CCDC171: variants seen among roughly 807,000 people sequenced by gnomAD.
CCDC171 encodes coiled-coil domain-containing protein 171.
Under a neutral mutation model 168.2 loss-of-function variants are expected in CCDC171, and 177 were observed. That is an observed-to-expected ratio of 1.05 (90% CI 0.93 to 1.19). The LOEUF (loss-of-function observed/expected upper bound fraction) is 1.19, where lower values mean the gene tolerates loss of function less well. Ranked by LOEUF, CCDC171 falls within the 50% of genes most tolerant of loss-of-function variation. CCDC171 has a pLI of 0.00. For missense variants in CCDC171, 1,991 were observed against 1,539.0 expected, an observed-to-expected ratio of 1.29 and a Z score of -4.91; for synonymous variants, 687 against 540.8, an observed-to-expected ratio of 1.27 and a Z score of -3.75.
chr9:15,699,315 G>A (rs998926363), intron 11 of CCDC171, among the ~76,000 whole-genome samples: 1 of 152,064 alleles, frequency 6.6e-6, no homozygotes, highest in Non-Finnish European at 1.5e-5. Context: ...AGACCTTCGC[G>A]GTGAGTGTTA....
rs923686799 is a variant in CCDC171 at position 15,962,821 on chromosome 9, C to T, written c.3754-8788C>T. ...AAGTTTCTTTTGATTTCTTGTGATT[C>T]TTTTTTCCAGAAAAAATAGGGATAG... On this transcript the variant is annotated intron_variant, in intron 25 of 25. Coordinates refer to ENST00000380701, the MANE Select transcript of CCDC171 (RefSeq NM_173550.4). Among the ~76,000 whole-genome samples the T allele has an allele frequency of 2.0e-5, 3 of 150,942 alleles. No individual in the cohort carries two copies. The East Asian group carries it at 5.8e-4, about 29-fold the overall frequency.
intron 3 of CCDC171, among the ~76,000 whole-genome samples, chr9:15,997,804 C>T (rs1432411338): frequency 6.6e-6 from 1 of 152,164 alleles, no homozygotes; most frequent in Non-Finnish European, 1.5e-5. Flanking sequence ...ACTGTCAGAA[C>T]TTGGCAAGGA....
Position 15,744,289 on chromosome 9 carries a change from C to G in CCDC171, c.2066C>G (p.Ala689Gly), listed in dbSNP as rs778804928. Residue 689 changes from alanine (A) to glycine (G), a missense_variant, in exon 17 of 26, where the codon GCT (alanine) becomes GGT (glycine). By Grantham distance (60) the Ala-to-Gly change is moderately conservative. Coordinates refer to ENST00000380701, the MANE Select transcript of CCDC171 (RefSeq NM_173550.4). ...CTTCCATAGAAATTTCAAGAAATTG[C>G]TGAAAAAAACATGGAAAAATTGAAC... ...QKRAQKFQEIAEKNMEKLNHI... is the reference protein window; with the variant it reads ...QKRAQKFQEIGEKNMEKLNHI... 6.3e-7 allele frequency: 1 copy of G among 1,577,832 alleles called. No individual in the cohort carries two copies. The highest frequency in any genetic ancestry group is 8.6e-7 in the Non-Finnish European group (1 of 1,164,496).
chr9:15,945,884 A>C (rs1828303249), intron 25 of CCDC171, among the ~76,000 whole-genome samples: 1 of 150,450 alleles, frequency 6.6e-6, no homozygotes, highest in African/African-American at 2.4e-5. Context: ...CTTTAGTTTA[A>C]TTAGATCCCA....
At chr9:16,064,038 C>G (rs1042954748), downstream of CCDC171, among the ~76,000 whole-genome samples, 1 of 152,214 alleles carries the variant, frequency 6.6e-6, no homozygotes, top group Non-Finnish European at 1.5e-5. Context: ...CAGTGAAAAA[C>G]TGAATTTGCC....
At chr9:16,068,993 G>C in the CCDC171 span, among the ~76,000 whole-genome samples, 45,246 of 151,976 alleles carry the variant, frequency 0.3, 7,024 homozygotes, top group African/African-American at 0.36. Context: ...GGAGGGGGTA[G>C]TTAGACCCAT....
In CCDC171 at chr9:15,619,705, A is replaced by C. The variant is rs564080338; in HGVS notation, c.676-3562A>C. ...AATAATCGATGAAGGTGGCCACACT[A>C]AACAACAGATTTTCATTGCAGACAA... On this transcript the variant is annotated intron_variant, in intron 6 of 25. Transcript: ENST00000380701. Among the ~76,000 whole-genome samples, 33 of 152,358 alleles carry C rather than the reference A, an allele frequency of 2.2e-4. 1 individual carries two copies. The South Asian group carries it at 6.4e-3, about 30-fold the overall frequency.
chr9:15,668,344 C>T (rs2133200517), intron 9 of CCDC171, among the ~76,000 whole-genome samples: 1 of 152,236 alleles, frequency 6.6e-6, no homozygotes, highest in East Asian at 1.9e-4. Flanking sequence ...GACCCCAAAG[C>T]AGTTTTTTTC....
chr9:15,703,606 A>C (rs1473890174), intron 11 of CCDC171, among the ~76,000 whole-genome samples: 3 of 152,182 alleles, frequency 2.0e-5, no homozygotes, highest in Admixed American at 2.0e-4. Flanking sequence ...TCTATGGGTG[A>C]GTGATATTTC....
chr9:15,905,997 C>G (rs1822538296), intron 24 of CCDC171, among the ~76,000 whole-genome samples: 1 of 152,170 alleles, frequency 6.6e-6, no homozygotes, highest in Non-Finnish European at 1.5e-5. Flanking sequence ...TCTGAATAGA[C>G]CAATAACAGG....
chr9:16,094,302 T>C, the CCDC171 span, among the ~76,000 whole-genome samples: 1 of 152,192 alleles, frequency 6.6e-6, no homozygotes, highest in African/African-American at 2.4e-5. Flanking sequence ...ACTCTAGTGG[T>C]CCAGTGAAGA....
chr9:15,674,277 T>C (rs2133314111), intron 9 of CCDC171, among the ~76,000 whole-genome samples: 1 of 152,252 alleles, frequency 6.6e-6, no homozygotes, highest in East Asian at 1.9e-4. Flanking sequence ...TTGCTAGCAG[T>C]CTTATCTATT....
intron 3 of CCDC171, among the ~76,000 whole-genome samples, chr9:16,011,417 T>C (rs1832865100): frequency 1.3e-5 from 2 of 152,216 alleles, no homozygotes; most frequent in Non-Finnish European, 2.9e-5. Context: ...TTTTACTTTT[T>C]TTTTGCAGCA....
At chr9:15,697,013 C>A (rs1024247642) in intron 11 of CCDC171, among the ~76,000 whole-genome samples, 1 of 152,098 alleles carries the variant, frequency 6.6e-6, no homozygotes, top group African/African-American at 2.4e-5. Context: ...CTTGCTGATC[C>A]ATTCTCCTCT....
At chr9:16,065,602 C>T (rs115065345), downstream of CCDC171, among the ~76,000 whole-genome samples, 281 of 152,300 alleles carry the variant, frequency 1.8e-3, 2 homozygotes, top group African/African-American at 6.5e-3. Context: ...CTCTGACACA[C>T]AGTTTGAGGC....
intron 21 of CCDC171, among the ~76,000 whole-genome samples, chr9:15,789,054 T>C (rs545990002): frequency 1.1e-4 from 16 of 152,240 alleles, no homozygotes; most frequent in Admixed American, 8.5e-4. Context: ...AACGTCAGTA[T>C]GTGGAAATCA....
At chr9:15,931,453 TTTC>T (rs1245815462) in intron 25 of CCDC171, among the ~76,000 whole-genome samples, 54 of 130,106 alleles carry the variant, frequency 4.2e-4, no homozygotes, top group African/African-American at 1.1e-3. Context: ...TCTTTCTTTC[TTTC>T]TTTTTTTTTT....
the CCDC171 span, among the ~76,000 whole-genome samples, chr9:16,083,748 C>T: frequency 6.6e-6 from 1 of 152,132 alleles, no homozygotes; most frequent in Non-Finnish European, 1.5e-5. Flanking sequence ...GTTAGCTCCC[C>T]TAATGGAAGA....
intron 21 of CCDC171, among the ~76,000 whole-genome samples, chr9:15,795,170 A>G (rs2058488202): frequency 6.6e-6 from 1 of 152,198 alleles, no homozygotes; most frequent in Admixed American, 6.5e-5. Context: ...GGCAGAAGGC[A>G]GAAGGGCAAG....
Sources: gnomAD v4.1 joint callset for allele counts (sites outside exome capture counted in the v4.1 genomes callset) on GRCh38, gnomAD v4.1.1 for gene constraint, MANE v1.5 for transcripts, NCBI Gene and HGNC (gene_info 2026-07-23, HGNC 2026-07-21) for gene names.